Variants in RIMS2 observed in about 807,000 individuals in gnomAD.
The protein encoded by RIMS2 is regulating synaptic membrane exocytosis protein 2.
A neutral mutation model predicts 174.4 loss-of-function variants in RIMS2; 59 were observed. The ratio of observed to expected loss-of-function variants is 0.34; its 90% CI spans 0.27 to 0.42. The LOEUF is 0.42. Ranked by LOEUF, RIMS2 falls within the 10% of genes least tolerant of loss-of-function variation. The probability of loss-of-function intolerance (pLI) is 1.00; values close to 1 mark genes in which losing one functional copy is unlikely to be tolerated. For synonymous variants in RIMS2, 606 were observed against 572.5 expected (o/e 1.06, Z -0.84); for missense variants, 1,620 against 1,666.3 (o/e 0.97, Z 0.48).
chr8:104,229,697 A>C (rs1422167082), intron 19 of RIMS2, among the ~76,000 whole-genome samples: 1 of 152,136 alleles, frequency 6.6e-6, no homozygotes, highest in Non-Finnish European at 1.5e-5. Context: ...GGAAAATGGC[A>C]GCCAATGGCA....
At chr8:104,071,075 T>A (rs1023377282) in intron 19 of RIMS2, among the ~76,000 whole-genome samples, 10 of 152,108 alleles carry the variant, frequency 6.6e-5, no homozygotes, top group Non-Finnish European at 1.0e-4. Flanking sequence ...TAAAGACAAG[T>A]TTCTTAGAAG....
intron 3 of RIMS2, among the ~76,000 whole-genome samples, chr8:103,865,370 C>T (rs959134719): frequency 7.3e-5 from 11 of 149,894 alleles, no homozygotes; most frequent in African/African-American, 1.7e-4. Flanking sequence ...CTGCAACCTC[C>T]GCCTCCTGGG....
intron 19 of RIMS2, among the ~76,000 whole-genome samples, chr8:104,151,421 T>C (rs1006150370): frequency 1.3e-5 from 2 of 152,084 alleles, no homozygotes; most frequent in African/African-American, 2.4e-5. Context: ...ATACAAAAGT[T>C]AGCCCCTCAT....
At chr8:103,513,318 C>T (rs1292403386) in intron 1 of RIMS2, among the ~76,000 whole-genome samples, 4 of 152,120 alleles carry the variant, frequency 2.6e-5, no homozygotes, top group Non-Finnish European at 5.9e-5. Context: ...CATTTATAAG[C>T]TGTGCTATCT....
intron 3 of RIMS2, among the ~76,000 whole-genome samples, chr8:103,853,271 T>G (rs1408386294): frequency 6.6e-6 from 1 of 151,454 alleles, no homozygotes; most frequent in Non-Finnish European, 1.5e-5. Context: ...TTTTTAATTT[T>G]TTTTTGCTTG....
intron 3 of RIMS2, among the ~76,000 whole-genome samples, chr8:103,827,357 G>A (rs1319049852): frequency 6.6e-6 from 1 of 151,920 alleles, no homozygotes; most frequent in Non-Finnish European, 1.5e-5. Context: ...AGTTCTAATA[G>A]TTGCTTTGTA....
chr8:103,812,069 A>G (rs1280098770), intron 3 of RIMS2, among the ~76,000 whole-genome samples: 2 of 152,208 alleles, frequency 1.3e-5, no homozygotes, highest in East Asian at 1.9e-4. Flanking sequence ...ATGCTATAAA[A>G]TGTTTTTGTA....
chr8:104,004,354 A>G lies in RIMS2; in HGVS notation c.3045-9088A>G, dbSNP rs538509469. On this transcript the variant is annotated intron_variant, in intron 17 of 23. Coordinates refer to ENST00000504942, the Ensembl canonical transcript of RIMS2. ...AGGAAGAGGAGCTTCTGAGTGACAT[A>G]AAGAATGAGAAAAGTGGAATGACGA... Among the ~76,000 whole-genome samples the G allele has an allele frequency of 2.0e-5, 3 of 152,316 alleles. No homozygotes were observed. In the South Asian group the frequency reaches 6.2e-4, roughly 32 times the overall value.
At chr8:103,572,257 C>T (rs985229931) in intron 1 of RIMS2, among the ~76,000 whole-genome samples, 2 of 152,182 alleles carry the variant, frequency 1.3e-5, no homozygotes, top group Admixed American at 6.5e-5. Context: ...AGCGAAAGAA[C>T]AAAGCTTCCA....
chr8:103,818,776 G>A (rs1172575863), intron 3 of RIMS2, among the ~76,000 whole-genome samples: 1 of 152,030 alleles, frequency 6.6e-6, no homozygotes, highest in African/African-American at 2.4e-5. Flanking sequence ...TAAATAAATG[G>A]AGAAATTTTA....
intron 3 of RIMS2, among the ~76,000 whole-genome samples, chr8:103,853,381 T>C (rs1237889209): frequency 6.6e-6 from 1 of 152,166 alleles, no homozygotes; most frequent in African/African-American, 2.4e-5. Context: ...AGAAACTCTT[T>C]AGTTTAATTA....
At chr8:103,856,463 G>A (rs2099028248) in intron 3 of RIMS2, among the ~76,000 whole-genome samples, 1 of 152,146 alleles carries the variant, frequency 6.6e-6, no homozygotes, top group Non-Finnish European at 1.5e-5. Context: ...TACTGGAATG[G>A]CAACACAAAA....
intron 15 of RIMS2, among the ~76,000 whole-genome samples, chr8:103,970,298 T>C (rs2092717129): frequency 6.6e-6 from 1 of 152,158 alleles, no homozygotes; most frequent in Admixed American, 6.5e-5. Flanking sequence ...ATGTTTTCTT[T>C]CTCCTGTGTG....
chr8:103,968,224 A>G lies in RIMS2; in HGVS notation c.2770+7091A>G, dbSNP rs555858327. Among the ~76,000 whole-genome samples the G allele has an allele frequency of 7.3e-3, 1,107 of 152,004 alleles. 20 individuals are homozygous for G. The highest frequency in any genetic ancestry group is 0.025 in the African/African-American group (1,043 of 41,472). Reference sequence around the variant, plus strand: ...ACATTTTTTTCCATCCATTTAATTTATATGATTGTTTCCATTTAAAGTGGG... The same window carrying G: ...ACATTTTTTTCCATCCATTTAATTTGTATGATTGTTTCCATTTAAAGTGGG... On this transcript the variant is annotated intron_variant, in intron 15 of 23. Transcript: ENST00000504942.
chr8:103,530,689 T>C (rs1211293779), intron 1 of RIMS2, among the ~76,000 whole-genome samples: 3 of 152,150 alleles, frequency 2.0e-5, no homozygotes, highest in Non-Finnish European at 4.4e-5. Flanking sequence ...AAGTTTTACT[T>C]CACCAGAATT....
chr8:104,116,219 AAATT>A (rs2098275712), intron 19 of RIMS2, among the ~76,000 whole-genome samples: 1 of 152,200 alleles, frequency 6.6e-6, no homozygotes, highest in African/African-American at 2.4e-5. Context: ...TGTTAAAAGT[AAATT>A]AAACTCTGAC....
chr8:104,136,453 C>T (rs1170088378), intron 19 of RIMS2, among the ~76,000 whole-genome samples: 1 of 152,146 alleles, frequency 6.6e-6, no homozygotes, highest in Admixed American at 6.6e-5. Flanking sequence ...TATAGCATTT[C>T]ATTTATGCCA....
At chr8:104,024,395 G>A (rs1224149289) in intron 19 of RIMS2, among the ~76,000 whole-genome samples, 1 of 152,176 alleles carries the variant, frequency 6.6e-6, no homozygotes, top group Non-Finnish European at 1.5e-5. Flanking sequence ...GAGAATTCTG[G>A]AGGATAACTA....
At chr8:104,093,528 G>T in intron 19 of RIMS2, 1 of 1,597,294 alleles carries the variant, frequency 6.3e-7, no homozygotes, top group Non-Finnish European at 8.5e-7. Context: ...TAAATCTTCG[G>T]ACAGTGATGT....
Sources: gnomAD v4.1 joint callset for allele counts (sites outside exome capture counted in the v4.1 genomes callset) on GRCh38, gnomAD v4.1.1 for gene constraint, MANE v1.5 for transcripts, NCBI Gene and HGNC (gene_info 2026-07-23, HGNC 2026-07-21) for gene names.